Variants in CLCA1 observed in about 807,000 individuals in gnomAD.
CLCA1 encodes the protein chloride channel accessory 1.
Under a neutral mutation model 85.6 loss-of-function variants are expected in CLCA1, and 59 were observed. The ratio of observed to expected loss-of-function variants is 0.69; its 90% CI spans 0.56 to 0.86. The LOEUF (loss-of-function observed/expected upper bound fraction) is 0.86. Ranked by LOEUF, CLCA1 falls within the 40% of genes least tolerant of loss-of-function variation. The pLI is 0.00. For missense variants in CLCA1, 1,022 were observed against 1,101.4 expected (o/e 0.93, Z 1.02); for synonymous variants, 396 against 398.3 (o/e 0.99, Z 0.07).
intron 13 of CLCA1, among the ~76,000 whole-genome samples, chr1:86,499,325 C>T (rs1011764937): frequency 5.3e-5 from 8 of 152,244 alleles, no homozygotes; most frequent in African/African-American, 1.7e-4. Context: ...GTGCAAACTG[C>T]CTCTATAAAT....
chr1:86,494,022 C>T (rs1323875944), intron 10 of CLCA1, among the ~76,000 whole-genome samples, 165 bp from the exon 11 acceptor site: 2 of 152,276 alleles, frequency 1.3e-5, no homozygotes, highest in South Asian at 2.1e-4. Context: ...TTAGTTCAAA[C>T]ACACTGAAGC....
rs1294089471 is a variant in CLCA1, at chr1:86,493,484, G to A, written c.1565G>A (p.Trp522Ter). 6.2e-7 allele frequency: 1 copy of A among 1,613,962 alleles called. No individual in the cohort carries two copies. Among genetic ancestry groups the A allele is most frequent in the Admixed American group, 1.7e-5 (1 of 60,000 alleles). Residue 522 changes from tryptophan (W) to a stop codon, truncating the protein, a stop_gained, in exon 10 of 14, where the codon TGG becomes TAG. Transcript: ENST00000394711. LOFTEE classifies it high-confidence loss of function. Reference protein sequence around the residue: ...VGKDTLFLITWTMQPPQILLW... With the variant: ...VGKDTLFLIT ...AAGGACACTTTGTTTCTTATCACCT[G>A]GACAATGCAGCCTCCCCAAATCCTT...
chr1:86,475,873 C>T (rs374705528), intron 3 of CLCA1, among the ~76,000 whole-genome samples: 1 of 152,072 alleles, frequency 6.6e-6, no homozygotes, highest in Non-Finnish European at 1.5e-5. Context: ...ACCTTGTACA[C>T]CATGTTGAGA....
intron 4 of CLCA1, among the ~76,000 whole-genome samples, chr1:86,479,098 G>A (rs1165394650): frequency 1.3e-5 from 2 of 152,186 alleles, no homozygotes; most frequent in South Asian, 2.1e-4. Context: ...GAAAATCATT[G>A]TTATGCAGAT....
intron 1 of CLCA1, among the ~76,000 whole-genome samples, chr1:86,469,540 C>T (rs1427990836): frequency 6.6e-6 from 1 of 152,182 alleles, no homozygotes; most frequent in Non-Finnish European, 1.5e-5. Flanking sequence ...TAGGAACCCC[C>T]TTCCCTGTGA....
intron 5 of CLCA1, 124 bp downstream of exon 5, chr1:86,482,506 G>A: frequency 2.3e-6 from 2 of 880,618 alleles, no homozygotes; most frequent in Non-Finnish European, 3.5e-6. Context: ...ATTATCTCTG[G>A]GACAAGCTGG....
intron 4 of CLCA1, among the ~76,000 whole-genome samples, chr1:86,476,782 C>CTTT (rs34132913): frequency 7.3e-5 from 11 of 151,010 alleles, no homozygotes; most frequent in African/African-American, 2.7e-4. Context: ...CTCCTTTTTT[C>CTTT]TTTTTTTTTA....
intron 3 of CLCA1, among the ~76,000 whole-genome samples, chr1:86,475,665 G>A (rs926064): frequency 0.41 from 61,942 of 151,914 alleles, 13,224 homozygotes; most frequent in Admixed American, 0.48. Context: ...AAGAATAAGA[G>A]TTATCCAGAC....
At position 86,500,100 on chromosome 1, in the gene CLCA1, T is replaced by C. The variant is rs1279149460; in HGVS notation, c.*55T>C. 8.4e-7 allele frequency: 1 copy of C among 1,196,866 alleles called. No homozygotes were observed. The highest frequency in any genetic ancestry group is 1.6e-5 in the African/African-American group (1 of 63,984). The allele number at this position is 1,196,866 out of a possible 1,614,324, so 74.1% of individuals were successfully genotyped here. On this transcript the variant is annotated 3_prime_UTR_variant, in exon 14 of 14. Transcript: ENST00000394711. ...AATCATTCATCCTTTTTTTTGATTA[T>C]AAAATTTTCTAAAATGTATTTTAGA...
intron 11 of CLCA1, 56 bp downstream of exon 11, chr1:86,494,504 G>A: frequency 6.3e-7 from 1 of 1,588,184 alleles, no homozygotes; most frequent in Non-Finnish European, 8.6e-7. Flanking sequence ...AGCAACCAGG[G>A]AATGCCAAGA....
intron 13 of CLCA1, among the ~76,000 whole-genome samples, chr1:86,499,256 G>A (rs1295336527): frequency 6.6e-6 from 1 of 152,220 alleles, no homozygotes; most frequent in Non-Finnish European, 1.5e-5. Flanking sequence ...AGTGTTTTCA[G>A]ATCTGCATTT....
In CLCA1 at chr1:86,495,518, T is replaced by G; in HGVS notation, c.1956T>G (p.Thr652=). 6.2e-7 allele frequency: 1 copy of G among 1,613,172 alleles called. No homozygotes were observed. The highest frequency in any genetic ancestry group is 1.1e-5 in the South Asian group (1 of 90,986). Residue 652 remains threonine, a synonymous_variant, in exon 12 of 14, where the codon ACT becomes ACG. Coordinates refer to ENST00000394711, the MANE Select transcript of CLCA1 (RefSeq NM_001285.4). ...TTCTTTATCAAGGTGCTGATGCTAC[T>G]AAGGATGACGGTGTCTACTCAAGGT... ...LLDNGAGADA[T]KDDGVYSRYF...
At position 86,491,251 on chromosome 1, in the gene CLCA1, T is replaced by G. The variant is rs750760983; in HGVS notation, c.1358-14T>G. On this transcript the variant is annotated splice_polypyrimidine_tract_variant and intron_variant, in intron 8 of 13. Transcript: ENST00000394711. ...TTCTGGAAAATAATTTCTGAAAATG[T>G]AATTGCATTTTAGGAGGTTTACAGA... is the stretch of plus-strand genomic sequence containing the variant. 1 of 1,577,142 alleles carries G rather than the reference T, an allele frequency of 6.3e-7. No homozygotes were observed. Among genetic ancestry groups the G allele is most frequent in the Non-Finnish European group, 8.7e-7 (1 of 1,149,772 alleles).
intron 4 of CLCA1, among the ~76,000 whole-genome samples, chr1:86,478,711 A>T (rs1308991035): frequency 6.6e-6 from 1 of 152,216 alleles, no homozygotes; most frequent in South Asian, 2.1e-4. Context: ...CCTTCTAGAG[A>T]TATTCTAGAA....
chr1:86,499,930 C>G lies in CLCA1; in HGVS notation c.2630C>G (p.Pro877Arg). Residue 877 changes from proline (P) to arginine (R), a missense_variant, in exon 14 of 14, where the codon CCT (proline) becomes CGT (arginine). Pro to Arg is a moderately radical substitution (Grantham distance 103). Coordinates refer to ENST00000394711, the MANE Select transcript of CLCA1 (RefSeq NM_001285.4). ...CAGACTCCGCCAGAGACACCTAGTC[C>G]TGATGAAACGTCTGCTCCTTGTCCT... Reference protein sequence around the residue: ...PPQTPPETPSPDETSAPCPNI... With the variant: ...PPQTPPETPSRDETSAPCPNI... The G allele has an allele frequency of 6.2e-7, 1 of 1,613,802 alleles. No individual in the cohort carries two copies. The highest frequency in any genetic ancestry group is 8.5e-7 in the Non-Finnish European group (1 of 1,179,704).
At position 86,473,449 on chromosome 1, in the gene CLCA1, T is replaced by A; in HGVS notation, c.195T>A (p.Leu65=). Residue 65 remains leucine (L), a synonymous_variant, in exon 2 of 14, where the codon CTT becomes CTA. Coordinates refer to ENST00000394711, the MANE Select transcript of CLCA1 (RefSeq NM_001285.4). ...DMVTQASLYL[L]EATGKRFYFK... ...TGACCCAGGCATCTCTGTATCTGCT[T>A]GAAGCTACAGGAAAGCGATTTTATT... The A allele has an allele frequency of 6.2e-7, 1 of 1,604,356 alleles. No homozygotes were observed. Among genetic ancestry groups the A allele is most frequent in the Non-Finnish European group, 8.5e-7 (1 of 1,171,762 alleles).
intron 4 of CLCA1, among the ~76,000 whole-genome samples, chr1:86,476,782 C>CT (rs34132913): frequency 0.12 from 17,835 of 151,078 alleles, 1,161 homozygotes; most frequent in African/African-American, 0.17. Flanking sequence ...CTCCTTTTTT[C>CT]TTTTTTTTTA....
chr1:86,475,918 G>C (rs1647626216), intron 3 of CLCA1, among the ~76,000 whole-genome samples: 1 of 152,156 alleles, frequency 6.6e-6, no homozygotes, highest in Non-Finnish European at 1.5e-5. Flanking sequence ...AGACATGGAG[G>C]CCAATCTGGT....
chr1:86,498,513 C>T lies in CLCA1; in HGVS notation c.2114-59C>T, dbSNP rs993471840. On this transcript the variant is annotated intron_variant, in intron 12 of 13. Transcript: ENST00000394711. ...GAGGGTGATCTGATAAGAAAACAGACGGAGGTGTCACCATTTAGTGATGTT... is the reference window on the plus strand; with the variant it reads ...GAGGGTGATCTGATAAGAAAACAGATGGAGGTGTCACCATTTAGTGATGTT... 38 of 1,541,972 alleles carry T rather than the reference C, an allele frequency of 2.5e-5. 1 individual carries two copies. The highest frequency in any genetic ancestry group is 1.8e-4 in the South Asian group (15 of 85,202).
Sources: allele counts gnomAD v4.1 joint callset (sites outside exome capture counted in the v4.1 genomes callset), GRCh38; gene constraint gnomAD v4.1.1; transcripts MANE v1.5; gene names NCBI Gene and HGNC (gene_info 2026-07-23, HGNC 2026-07-21).